COPG2: variants seen among roughly 807,000 people sequenced by gnomAD.
COPG2 encodes coatomer subunit gamma-2.
In COPG2, 37 loss-of-function variants were observed where a neutral mutation model predicts 46.3. The ratio of observed to expected loss-of-function variants is 0.80; its 90% CI spans 0.61 to 1.05. COPG2 has a LOEUF of 1.05. Ranked by LOEUF, COPG2 falls within the 50% of genes least tolerant of loss-of-function variation. The pLI is 0.00. For synonymous variants in COPG2, 159 were observed against 129.7 expected, an observed-to-expected ratio of 1.23 and a Z score of -1.53; for missense variants, 427 against 387.8, an observed-to-expected ratio of 1.10 and a Z score of -0.85.
intron 20 of COPG2, among the ~76,000 whole-genome samples, chr7:130,533,884 C>T (rs942880108): frequency 2.1e-5 from 3 of 144,274 alleles, no homozygotes; most frequent in Admixed American, 1.5e-4. Flanking sequence ...AGTCAGAAGG[C>T]ACTATGTGGG....
At chr7:130,574,584 C>G (rs978700393) in intron 9 of COPG2, among the ~76,000 whole-genome samples, 2 of 152,074 alleles carry the variant, frequency 1.3e-5, no homozygotes, top group Non-Finnish European at 2.9e-5. Context: ...AGAGCCTACC[C>G]AAATGAGAAG....
intron 14 of COPG2, among the ~76,000 whole-genome samples, chr7:130,552,639 T>C (rs1249716007): frequency 6.6e-6 from 1 of 152,196 alleles, no homozygotes; most frequent in Non-Finnish European, 1.5e-5. Flanking sequence ...AGGAAAATCT[T>C]CCAAAAATTG....
chr7:130,652,858 C>A lies in COPG2; in HGVS notation c.323+11G>T. 1 of 1,561,326 alleles carries A rather than the reference C, an allele frequency of 6.4e-7. No homozygotes were observed. The highest frequency in any genetic ancestry group is 8.8e-7 in the Non-Finnish European group (1 of 1,138,768). On this transcript the variant is annotated intron_variant, in intron 5 of 23. Coordinates refer to ENST00000425248, the MANE Select transcript of COPG2 (RefSeq NM_012133.6). ...TAAGTATCTCATCCTAGATTTTGACCATTTACATACCTGCTTGTGACAATT... is the reference window on the plus strand; with the variant it reads ...TAAGTATCTCATCCTAGATTTTGACAATTTACATACCTGCTTGTGACAATT...
chr7:130,607,617 C>G, intron 9 of COPG2: 1 of 492,398 alleles, frequency 2.0e-6, no homozygotes, highest in Non-Finnish European at 4.0e-6. Context: ...CTAGAGTATT[C>G]TCCTGTATAT....
chr7:130,561,672 GC>G (rs1448139801), intron 11 of COPG2, among the ~76,000 whole-genome samples: 1 of 152,148 alleles, frequency 6.6e-6, no homozygotes, highest in Non-Finnish European at 1.5e-5. Context: ...TACATGGTCT[GC>G]CATTCTCCTG....
chr7:130,596,612 C>T (rs1584991271), intron 9 of COPG2, among the ~76,000 whole-genome samples: 1 of 152,158 alleles, frequency 6.6e-6, no homozygotes, highest in South Asian at 2.1e-4. Context: ...GCCAAGGGAA[C>T]ATGGACAACT....
chr7:130,612,086 G>T, intron 8 of COPG2, 66 bp downstream of exon 8: 2 of 1,091,526 alleles, frequency 1.8e-6, no homozygotes, highest in Non-Finnish European at 2.8e-6. Context: ...TCGATACACT[G>T]CCCCTACAAT....
rs573640186 is a variant in COPG2, at chr7:130,638,330, C to A, written c.323+14539G>T. ...TCTACTGAAACTGTGCCCACAGCCGCCCCTTCCCCCAGGTGCTCTGTCCCA... is the reference window on the plus strand; with the variant it reads ...TCTACTGAAACTGTGCCCACAGCCGACCCTTCCCCCAGGTGCTCTGTCCCA... On this transcript the variant is annotated intron_variant, in intron 5 of 23. Coordinates refer to ENST00000425248, the MANE Select transcript of COPG2 (RefSeq NM_012133.6). Among the ~76,000 whole-genome samples, 6 of 152,244 alleles carry A rather than the reference C, an allele frequency of 3.9e-5. No homozygotes were observed. The South Asian group carries it at 1.2e-3, about 32-fold the overall frequency.
At chr7:130,511,761 AG>A (rs1554441043) in intron 20 of COPG2, 1 of 518,428 alleles carries the variant, frequency 1.9e-6, no homozygotes, top group Admixed American at 1.9e-5. Context: ...TATCCTGTCT[AG>A]GTCTAAATGG....
At chr7:130,546,247 T>A (rs1793441626) in intron 20 of COPG2, among the ~76,000 whole-genome samples, 1 of 152,148 alleles carries the variant, frequency 6.6e-6, no homozygotes, top group Non-Finnish European at 1.5e-5. Flanking sequence ...ACCACAGGAC[T>A]ACATTAAGAT....
At chr7:130,560,296 A>G (rs1793697940) in intron 12 of COPG2, among the ~76,000 whole-genome samples, 1 of 152,202 alleles carries the variant, frequency 6.6e-6, no homozygotes, top group Non-Finnish European at 1.5e-5. Context: ...ACAGATTTGC[A>G]AGACCTCTAG....
chr7:130,573,465 C>T (rs1002474447), intron 9 of COPG2, among the ~76,000 whole-genome samples: 1 of 151,900 alleles, frequency 6.6e-6, no homozygotes, highest in Admixed American at 6.6e-5. Context: ...AAACTGAATC[C>T]AGTAATATGT....
intron 20 of COPG2, among the ~76,000 whole-genome samples, chr7:130,523,808 C>T (rs1269555624): frequency 2.6e-5 from 4 of 151,970 alleles, no homozygotes; most frequent in African/African-American, 7.3e-5. Flanking sequence ...ATGGAGACAG[C>T]GTGGAAGGAG....
chr7:130,574,843 T>G (rs1793975776), intron 9 of COPG2, among the ~76,000 whole-genome samples: 1 of 151,996 alleles, frequency 6.6e-6, no homozygotes, highest in South Asian at 2.1e-4. Context: ...GGAAATAGAT[T>G]GCTTAAAGAA....
At chr7:130,571,853 A>C (rs1279280539) in intron 9 of COPG2, among the ~76,000 whole-genome samples, 1 of 151,376 alleles carries the variant, frequency 6.6e-6, no homozygotes, top group Admixed American at 6.6e-5. Context: ...CTCTATATAT[A>C]TATATATACA....
chr7:130,515,926 G>A (rs889621190), intron 20 of COPG2, among the ~76,000 whole-genome samples: 7 of 151,994 alleles, frequency 4.6e-5, no homozygotes, highest in Non-Finnish European at 8.8e-5. Flanking sequence ...GAGAGAACGT[G>A]GCTAGGTAAG....
intron 9 of COPG2, among the ~76,000 whole-genome samples, chr7:130,588,931 A>G (rs1213713162): frequency 6.6e-6 from 1 of 152,104 alleles, no homozygotes; most frequent in Non-Finnish European, 1.5e-5. Context: ...ATAAAAAAAT[A>G]TTTACCCCCC....
intron 9 of COPG2, among the ~76,000 whole-genome samples, chr7:130,573,751 C>T (rs1288173085): frequency 6.6e-6 from 1 of 152,020 alleles, no homozygotes; most frequent in Non-Finnish European, 1.5e-5. Flanking sequence ...ATTTTAGGTT[C>T]AGGGGTACAT....
intron 3 of COPG2, among the ~76,000 whole-genome samples, chr7:130,664,582 T>A (rs1436787401): frequency 1.3e-5 from 2 of 152,242 alleles, no homozygotes; most frequent in African/African-American, 4.8e-5. Flanking sequence ...AGATAAAATT[T>A]ATGTTCCCAA....
Sources: allele counts gnomAD v4.1 joint callset (sites outside exome capture counted in the v4.1 genomes callset), GRCh38; gene constraint gnomAD v4.1.1; transcripts MANE v1.5; gene names NCBI Gene and HGNC (gene_info 2026-07-23, HGNC 2026-07-21).